ACOXL: variants seen among roughly 807,000 people sequenced by gnomAD.
ACOXL encodes acyl-coenzyme A oxidase-like protein.
Under a neutral mutation model 71.9 loss-of-function variants are expected in ACOXL, and 70 were observed. The observed-to-expected ratio is 0.97, with a 90% CI of 0.80 to 1.19. The LOEUF is 1.19. Among genes scored for constraint, ACOXL ranks in the 50% most tolerant of loss-of-function variants. ACOXL has a pLI of 0.00. For missense variants in ACOXL, 703 were observed against 736.3 expected (o/e 0.95, Z 0.52); for synonymous variants, 253 against 281.6 (o/e 0.90, Z 1.02).
intron 12 of ACOXL, among the ~76,000 whole-genome samples, chr2:110,982,333 G>C (rs554351933): frequency 6.6e-6 from 1 of 151,894 alleles, no homozygotes; most frequent in African/African-American, 2.4e-5. Context: ...TAGTCCTTCC[G>C]CTTCCCTTTG....
chr2:110,893,944 C>T (rs762547685), intron 10 of ACOXL, among the ~76,000 whole-genome samples: 4 of 152,014 alleles, frequency 2.6e-5, no homozygotes, highest in East Asian at 1.9e-4. Context: ...ATATGTGTTA[C>T]GTATTAACAT....
intron 14 of ACOXL, among the ~76,000 whole-genome samples, chr2:111,002,560 A>G (rs1345950757): frequency 6.6e-6 from 1 of 152,198 alleles, no homozygotes; most frequent in African/African-American, 2.4e-5. Context: ...TATGGCTTTC[A>G]GACTTTACAT....
chr2:110,821,728 T>C (rs1176174948), intron 9 of ACOXL, among the ~76,000 whole-genome samples: 1 of 152,244 alleles, frequency 6.6e-6, no homozygotes, highest in Non-Finnish European at 1.5e-5. Flanking sequence ...AGAAATTATT[T>C]GGAATTCTTT....
intron 1 of ACOXL, among the ~76,000 whole-genome samples, chr2:110,757,500 A>G (rs1160115161): frequency 6.6e-6 from 1 of 152,114 alleles, no homozygotes; most frequent in Non-Finnish European, 1.5e-5. Flanking sequence ...TGGTTGAACT[A>G]ATTTACACTT....
rs1177385627 is a variant in ACOXL, at chr2:110,803,985, CT to C, written c.621-1259del. Reference sequence around the variant, plus strand: ...TACCACTCTGCACCTACTAGGATGTCTTTTTTTTTTTTTTTTTTTGAGATGG... The same window carrying C: ...TACCACTCTGCACCTACTAGGATGTCTTTTTTTTTTTTTTTTTTGAGATGG... On this transcript the variant is annotated intron_variant, in intron 8 of 17. Transcript: ENST00000439055. Among the ~76,000 whole-genome samples, 337 of 132,226 alleles carry C rather than the reference CT, an allele frequency of 2.5e-3. 1 individual carries two copies. Among genetic ancestry groups the C allele is most frequent in the Middle Eastern group, 3.9e-3 (1 of 256 alleles). The allele number at this position is 132,226 out of a possible 152,430, so 86.7% of individuals were successfully genotyped here.
At chr2:111,048,375 G>C (rs770608665) in intron 15 of ACOXL, among the ~76,000 whole-genome samples, 1 of 152,292 alleles carries the variant, frequency 6.6e-6, no homozygotes, top group South Asian at 2.1e-4. Flanking sequence ...TAAACTAGTT[G>C]GGTTAACTTA....
chr2:110,969,104 T>C (rs1195693918), intron 12 of ACOXL, among the ~76,000 whole-genome samples: 1 of 152,166 alleles, frequency 6.6e-6, no homozygotes. Context: ...AATGGAACTT[T>C]AAAAATACAT....
intron 11 of ACOXL, among the ~76,000 whole-genome samples, chr2:110,914,180 AAGAG>A (rs1452968253): frequency 6.7e-6 from 1 of 149,860 alleles, no homozygotes; most frequent in Non-Finnish European, 1.5e-5. Flanking sequence ...GCTGTTGAGA[AAGAG>A]AGAGGAGGAA....
chr2:110,849,989 C>T (rs1337547101), intron 10 of ACOXL, among the ~76,000 whole-genome samples: 5 of 152,058 alleles, frequency 3.3e-5, no homozygotes, highest in Non-Finnish European at 4.4e-5. Context: ...TCAACAAAGG[C>T]GCCAAAATGA....
intron 10 of ACOXL, among the ~76,000 whole-genome samples, chr2:110,884,789 G>T (rs540902579): frequency 3.3e-5 from 5 of 152,046 alleles, no homozygotes; most frequent in South Asian, 2.1e-4. Context: ...TTCAATAAAG[G>T]CTTCTAAAAG....
chr2:110,818,576 T>C (rs1362282604), intron 9 of ACOXL, among the ~76,000 whole-genome samples: 1 of 151,690 alleles, frequency 6.6e-6, no homozygotes, highest in African/African-American at 2.4e-5. Flanking sequence ...TATATATGTA[T>C]GTATATATAT....
chr2:110,936,850 ATT>A (rs34395577), intron 12 of ACOXL, among the ~76,000 whole-genome samples: 1,774 of 141,162 alleles, frequency 0.013, 32 homozygotes, highest in Admixed American at 0.054. Context: ...TATTTTAGGG[ATT>A]TTTTTTTTTT....
chr2:111,041,020 A>C (rs553389955), intron 15 of ACOXL, among the ~76,000 whole-genome samples: 2 of 151,932 alleles, frequency 1.3e-5, no homozygotes, highest in East Asian at 3.9e-4. Context: ...GCCTGCGTGG[A>C]GGGGTGGGTT....
chr2:110,859,906 C>G (rs771209239), intron 10 of ACOXL, among the ~76,000 whole-genome samples: 3 of 152,154 alleles, frequency 2.0e-5, no homozygotes, highest in African/African-American at 7.2e-5. Context: ...CTTCTAGAAT[C>G]CTTGGAAAGC....
chr2:110,764,052 GACA>G (rs1680733653), intron 1 of ACOXL, among the ~76,000 whole-genome samples: 1 of 152,162 alleles, frequency 6.6e-6, no homozygotes, highest in African/African-American at 2.4e-5. Flanking sequence ...ACTAAATGCT[GACA>G]ACAAGAAGTT....
At chr2:110,944,106 G>A (rs1247227056) in intron 12 of ACOXL, among the ~76,000 whole-genome samples, 1 of 152,046 alleles carries the variant, frequency 6.6e-6, no homozygotes, top group African/African-American at 2.4e-5. Context: ...TGCCTAGGCT[G>A]GAGTGCAGTG....
chr2:110,833,702 C>A (rs1690120732), intron 9 of ACOXL, among the ~76,000 whole-genome samples: 1 of 152,220 alleles, frequency 6.6e-6, no homozygotes, highest in African/African-American at 2.4e-5. Context: ...TGCAACAGAT[C>A]TCCTGCACTC....
intron 2 of ACOXL, among the ~76,000 whole-genome samples, 171 bp from the exon 3 acceptor site, chr2:110,784,561 A>T (rs1683720436): frequency 6.6e-6 from 1 of 152,230 alleles, no homozygotes; most frequent in Admixed American, 6.5e-5. Flanking sequence ...TTAAAAAAAG[A>T]TGAAAACATT....
chr2:110,780,026 A>C (rs1683138494), intron 2 of ACOXL, among the ~76,000 whole-genome samples: 1 of 152,236 alleles, frequency 6.6e-6, no homozygotes, highest in South Asian at 2.1e-4. Flanking sequence ...GCAATGTACA[A>C]AGTAGGAAAA....
Sources: allele counts gnomAD v4.1 joint callset (sites outside exome capture counted in the v4.1 genomes callset), GRCh38; gene constraint gnomAD v4.1.1; transcripts MANE v1.5; gene names NCBI Gene and HGNC (gene_info 2026-07-23, HGNC 2026-07-21).